ARHGAP27: variants seen among roughly 807,000 people sequenced by gnomAD.
ARHGAP27 encodes the protein Rho GTPase activating protein 27, also known as rho GTPase-activating protein 27.
ARHGAP27 carries 53 observed loss-of-function variants against 102.0 expected under a neutral mutation model. The observed-to-expected ratio is 0.52, with a 90% CI of 0.42 to 0.65. The LOEUF (loss-of-function observed/expected upper bound fraction) is 0.65, where lower values mean the gene tolerates loss of function less well. Among genes scored for constraint, ARHGAP27 ranks in the 30% least tolerant of loss-of-function variants. The pLI is 0.00. For missense variants in ARHGAP27, 1,117 were observed against 1,256.2 expected (o/e 0.89, Z 1.68); for synonymous variants, 525 against 542.8 (o/e 0.97, Z 0.46).
chr17:45,429,361 G>A, intron 4 of ARHGAP27: 3 of 1,275,126 alleles, frequency 2.4e-6, no homozygotes, highest in Non-Finnish European at 3.1e-6. Context: ...ATCAGTTCAA[G>A]CGCAATTTTG....
rs758605726 is a variant in ARHGAP27, at chr17:45,430,217, G to A, written c.63C>T (p.Gly21=). The part of the protein sequence containing the change: ...VLVEHPFEYT[G]KDGRRVAIRP... ...GGATGGCCACGCGGCGCCCGTCCTT[G>A]CCGGTGTACTCGAAGGGGTGCTCCA... Residue 21 remains glycine, a synonymous_variant, in exon 4 of 20, where the codon GGC becomes GGT. Coordinates refer to ENST00000685559, the MANE Select transcript of ARHGAP27 (RefSeq NM_001282290.2). The surrounding 1 kb of genome is among the most constrained non-coding windows in gnomAD (Gnocchi z 4.4). The A allele has an allele frequency of 3.2e-6, 5 of 1,566,452 alleles. No homozygotes were observed. Among genetic ancestry groups the A allele is most frequent in the Middle Eastern group, 1.7e-4 (1 of 5,918 alleles).
chr17:45,407,540 A>T (rs2047357544), intron 4 of ARHGAP27: 2 of 134,204 alleles, frequency 1.5e-5, no homozygotes. Flanking sequence ...TTTGAGATGG[A>T]GTCTCGCTCT....
chr17:45,404,370 T>C (rs1387446173), intron 8 of ARHGAP27, 36 bp from the exon 9 acceptor site: 2 of 1,613,478 alleles, frequency 1.2e-6, no homozygotes, highest in Non-Finnish European at 1.7e-6. Context: ...ACCAAGTCCC[T>C]CCTCCCAGGA....
At chr17:45,407,044 C>A (rs1007347545) in intron 4 of ARHGAP27, among the ~76,000 whole-genome samples, 1 of 152,198 alleles carries the variant, frequency 6.6e-6, no homozygotes, top group Non-Finnish European at 1.5e-5. Context: ...GTAAGCCTCC[C>A]GGAACAGAGG....
At chr17:45,395,880 T>G (rs1351699070) in intron 18 of ARHGAP27, 31 bp from the exon 19 acceptor site, 1 of 1,582,606 alleles carries the variant, frequency 6.3e-7, no homozygotes, top group Non-Finnish European at 8.6e-7. Context: ...AGGGAGGGAG[T>G]CGGAACGGGA....
chr17:45,413,848 G>C (rs1404903927), intron 4 of ARHGAP27, among the ~76,000 whole-genome samples: 1 of 152,118 alleles, frequency 6.6e-6, no homozygotes, highest in Non-Finnish European at 1.5e-5. Flanking sequence ...GCTCAGGCCT[G>C]TAATCCCAGC....
chr17:45,403,372 C>A (rs532908824), intron 11 of ARHGAP27, among the ~76,000 whole-genome samples: 1 of 152,246 alleles, frequency 6.6e-6, no homozygotes, highest in South Asian at 2.1e-4. Context: ...CCAGTCTGGC[C>A]AACATAGTAA....
In ARHGAP27 at chr17:45,396,080, G is replaced by C. The variant is rs139134704; in HGVS notation, c.2289C>G (p.Asp763Glu). ...TCAGGGCTCCGGTGATAACGTGGAC[G>C]TCCTCCCAGCGCCCGTCATCCAGGT... Reference protein sequence around the residue: ...RLDLDDGRWEDVHVITGALKL... With the variant: ...RLDLDDGRWEEVHVITGALKL... The change falls in exon 18 of 20, where the codon GAC becomes GAG. Residue 763 changes from aspartate (D) to glutamate (E), a missense_variant. By Grantham distance (45) the Asp-to-Glu change is conservative. Coordinates refer to ENST00000685559, the MANE Select transcript of ARHGAP27 (RefSeq NM_001282290.2). 1.9e-6 allele frequency: 3 copies of C among 1,613,794 alleles called. No individual in the cohort carries two copies. The highest frequency in any genetic ancestry group is 2.5e-6 in the Non-Finnish European group (3 of 1,179,856).
Position 45,396,538 on chromosome 17 carries a change from T to G in ARHGAP27, c.2122A>C (p.Ser708Arg). ...TGCTGCACGAAGCGTGGCACCCGGC[T>G]CCTCTCGCGCTCACACAGCGCGGCC... ...ALAALCERER[S>R]RVPRFVQQCI... is the part of the protein sequence containing the mutation. Residue 708 changes from serine (S) to arginine (R), a missense_variant, in exon 16 of 20, where the codon AGC becomes CGC. This residue lies in a region of ARHGAP27 where 493 missense variants were observed against 505.5 expected (regional missense o/e 0.98). Transcript: ENST00000685559. The G allele has an allele frequency of 1.9e-6, 3 of 1,590,642 alleles. No homozygotes were observed. Among genetic ancestry groups the G allele is most frequent in the Non-Finnish European group, 2.6e-6 (3 of 1,173,444 alleles).
At chr17:45,403,571 T>TA in intron 11 of ARHGAP27, 48 bp downstream of exon 11, 40 of 1,435,634 alleles carry the variant, frequency 2.8e-5, no homozygotes, top group Non-Finnish European at 3.4e-5. Flanking sequence ...AAAATAAAAA[T>TA]AAAAAAAAGC....
chr17:45,401,706 A>C (rs2046459740), intron 12 of ARHGAP27: 1 of 152,168 alleles, frequency 6.6e-6, no homozygotes, highest in Non-Finnish European at 1.5e-5. Flanking sequence ...GGTTAGGAAA[A>C]AGCTTTGATT....
intron 6 of ARHGAP27, 26 bp from the exon 7 acceptor site, chr17:45,404,707 CT>C: frequency 1.3e-6 from 2 of 1,598,806 alleles, no homozygotes; most frequent in Non-Finnish European, 8.5e-7. Flanking sequence ...TGGTCAGGGC[CT>C]CCAGCCCAGC....
chr17:45,432,665 C>T (rs989394737), intron 1 of ARHGAP27, 87 bp downstream of exon 1: 1 of 150,638 alleles, frequency 6.6e-6, no homozygotes, highest in African/African-American at 2.4e-5. Context: ...CTTCCCTTCC[C>T]AACCCTGCCC....
At position 45,404,991 on chromosome 17, in the gene ARHGAP27, G is replaced by A. The variant is rs1285604127; in HGVS notation, c.1181C>T (p.Pro394Leu). The A allele has an allele frequency of 6.2e-6, 10 of 1,613,992 alleles. No homozygotes were observed. In the East Asian group the frequency reaches 1.6e-4, roughly 25 times the overall value. Residue 394 changes from proline to leucine, a missense_variant, in exon 6 of 20, where the codon CCC becomes CTC. Physicochemically the swap from Pro to Leu is moderately conservative, Grantham distance 98. Transcript: ENST00000685559. ...CTGGCTGACATGACAAGACCAGCCG[G>A]GGGGTGTGGTCAAGGGAGAGGTAGG... ...PGPTSPLTTP[P>L]GWSCHVSQDK... is the part of the protein sequence containing the mutation.
In ARHGAP27 at chr17:45,395,824, G is replaced by A; in HGVS notation, c.2412C>T (p.Ser804=). The change falls in exon 19 of 20, where the codon AGC becomes AGT. Residue 804 remains serine (S), a synonymous_variant. Transcript: ENST00000685559. ...AGCGCACCAAGTCACGCACACAGCG[G>A]CTGCGCCGGGCCTGGTCCTGCAACT... ...AIKLQDQARR[S]RCVRDLVRSL... 1.2e-6 allele frequency: 2 copies of A among 1,602,942 alleles called. No individual in the cohort carries two copies. The highest frequency in any genetic ancestry group is 1.1e-5 in the South Asian group (1 of 89,680).
rs767956919 is a variant in ARHGAP27 at position 45,396,726 on chromosome 17, G to C, written c.2016C>G (p.Arg672=). ...GTGTGGGCCGCCTCTGGAGGAACTT[G>C]CGGAGCTTGTGCCGGACCTTGCTCA... The part of the protein sequence containing the change: ...SDLSKVRHKL[R]KFLQRRPTLQ... Residue 672 remains arginine (R), a synonymous_variant, in exon 15 of 20, where the codon CGC becomes CGG. Transcript: ENST00000685559. 1.9e-6 allele frequency: 3 copies of C among 1,613,872 alleles called. No homozygotes were observed. The highest frequency in any genetic ancestry group is 2.5e-6 in the Non-Finnish European group (3 of 1,179,806).
At position 45,406,069 on chromosome 17, in the gene ARHGAP27, C is replaced by T. The variant is rs752864996; in HGVS notation, c.672G>A (p.Pro224=). 7.9e-6 allele frequency: 12 copies of T among 1,521,398 alleles called. No individual in the cohort carries two copies. In the South Asian group the frequency reaches 1.3e-4, roughly 17 times the overall value. 94.2% of individuals were successfully genotyped at this position (1,521,398 alleles called of 1,614,324 possible). A position where few individuals can be genotyped will look rare whatever the true frequency, so the allele number is the denominator to read the frequency against. Reference sequence around the variant, plus strand: ...TCTCTATGTTCGCGTACACGGGCTCCGGTGGGTCGTCCACCTGCGGGAGGA... The same window carrying T: ...TCTCTATGTTCGCGTACACGGGCTCTGGTGGGTCGTCCACCTGCGGGAGGA... ...EESAEQVDDP[P]EPVYANIERQ... The change falls in exon 5 of 20, where the codon CCG becomes CCA. Residue 224 remains proline, a synonymous_variant. Coordinates refer to ENST00000685559, the MANE Select transcript of ARHGAP27 (RefSeq NM_001282290.2).
Position 45,396,067 on chromosome 17 carries a change from T to C in ARHGAP27, c.2302A>G (p.Thr768Ala). The change falls in exon 18 of 20, where the codon ACC (threonine) becomes GCC (alanine). Residue 768 changes from threonine to alanine, a missense_variant. Thr to Ala is a moderately conservative substitution (Grantham distance 58). Coordinates refer to ENST00000685559, the MANE Select transcript of ARHGAP27 (RefSeq NM_001282290.2). Reference sequence around the variant, plus strand: ...CGAAAGAAGAGCTTCAGGGCTCCGGTGATAACGTGGACGTCCTCCCAGCGC... The same window carrying C: ...CGAAAGAAGAGCTTCAGGGCTCCGGCGATAACGTGGACGTCCTCCCAGCGC... ...DGRWEDVHVITGALKLFFREL... is the reference protein window; with the variant it reads ...DGRWEDVHVIAGALKLFFREL... 1 of 1,613,930 alleles carries C rather than the reference T, an allele frequency of 6.2e-7. No homozygotes were observed. Among genetic ancestry groups the C allele is most frequent in the Non-Finnish European group, 8.5e-7 (1 of 1,179,894 alleles).
intron 4 of ARHGAP27, among the ~76,000 whole-genome samples, chr17:45,410,827 TG>T (rs1190523419): frequency 1.4e-5 from 2 of 145,784 alleles, no homozygotes; most frequent in Non-Finnish European, 1.5e-5. Flanking sequence ...AGGAAGCTTG[TG>T]GGGGGGAGGG....
Sources: gnomAD v4.1 joint callset for allele counts (sites outside exome capture counted in the v4.1 genomes callset) on GRCh38, gnomAD v4.1.1 for gene constraint, gnomAD v4.1.1 regional missense constraint, Gnocchi (gnomAD v3.1) non-coding constraint, MANE v1.5 for transcripts, NCBI Gene and HGNC (gene_info 2026-07-23, HGNC 2026-07-21) for gene names.